The following HMGB1 variants were observed in gnomAD, a reference collection of about 807,000 sequenced individuals.
HMGB1 encodes the protein high mobility group protein B1.
For missense variants in HMGB1, 79 were observed against 253.5 expected, an observed-to-expected ratio of 0.31 and a Z score of 4.67; for synonymous variants, 81 against 84.0, an observed-to-expected ratio of 0.96 and a Z score of 0.19.
intron 1 of HMGB1, among the ~76,000 whole-genome samples, chr13:30,589,148 G>A (rs1871274195): frequency 6.6e-6 from 1 of 151,684 alleles, no homozygotes; most frequent in Non-Finnish European, 1.5e-5. Flanking sequence ...TGGGATTACA[G>A]GCATGTGCCA....
At chr13:30,546,938 A>G (rs569160252) in intron 1 of HMGB1, among the ~76,000 whole-genome samples, 1 of 152,208 alleles carries the variant, frequency 6.6e-6, no homozygotes, top group African/African-American at 2.4e-5. Context: ...TGTAGGTTTC[A>G]TGCTGTTAAT....
chr13:30,613,658 T>C (rs1386613299), intron 1 of HMGB1, among the ~76,000 whole-genome samples: 2 of 152,222 alleles, frequency 1.3e-5, no homozygotes, highest in Non-Finnish European at 2.9e-5. Flanking sequence ...TGTACATACA[T>C]GCTCTCAGGG....
chr13:30,469,129 G>T (rs562619827), upstream of HMGB1, among the ~76,000 whole-genome samples: 17 of 152,124 alleles, frequency 1.1e-4, no homozygotes, highest in African/African-American at 3.6e-4. Context: ...GACCTCAAGT[G>T]ATCTGCCCGC....
chr13:30,464,258 G>A (rs902433626), intron 1 of HMGB1: 1 of 985,578 alleles, frequency 1.0e-6, no homozygotes, highest in Non-Finnish European at 1.2e-6. Context: ...CGGTTGGGGG[G>A]TGGCGGTGCC....
intron 1 of HMGB1, among the ~76,000 whole-genome samples, chr13:30,589,593 G>A (rs1032991610): frequency 6.6e-6 from 1 of 152,208 alleles, no homozygotes; most frequent in African/African-American, 2.4e-5. Context: ...CAGAGGCTGT[G>A]CATGGTGGCT....
chr13:30,507,786 G>A (rs915566746), intron 1 of HMGB1, among the ~76,000 whole-genome samples: 4 of 152,108 alleles, frequency 2.6e-5, no homozygotes, highest in African/African-American at 9.7e-5. Context: ...TTGAGCCTAG[G>A]AGTTCATGAC....
At chr13:30,465,969 C>T, upstream of HMGB1, 1 of 985,940 alleles carries the variant, frequency 1.0e-6, no homozygotes, top group Non-Finnish European at 1.2e-6. Context: ...TATTGGCTAC[C>T]GCCAACTCAC....
At chr13:30,574,585 A>T (rs1566029488) in intron 1 of HMGB1, among the ~76,000 whole-genome samples, 1 of 152,240 alleles carries the variant, frequency 6.6e-6, no homozygotes, top group Admixed American at 6.5e-5. Context: ...GCTAGGAAAT[A>T]GGAAAATAAA....
chr13:30,481,987 G>A (rs990318375), intron 1 of HMGB1, among the ~76,000 whole-genome samples: 3 of 151,966 alleles, frequency 2.0e-5, no homozygotes, highest in African/African-American at 7.3e-5. Context: ...GTGCCACCAC[G>A]CCCAGCTAAT....
intron 1 of HMGB1, among the ~76,000 whole-genome samples, chr13:30,608,040 T>C (rs58536349): frequency 0.032 from 4,933 of 152,184 alleles, 255 homozygotes; most frequent in African/African-American, 0.11. Context: ...ACAGTGACAG[T>C]AGGTCACTTC....
intron 1 of HMGB1, among the ~76,000 whole-genome samples, chr13:30,532,620 T>C (rs557291324): frequency 6.6e-6 from 1 of 152,252 alleles, no homozygotes; most frequent in Admixed American, 6.5e-5. Context: ...GTGATTCTCC[T>C]GCCTCAACCT....
chr13:30,544,170 G>T (rs368826628), intron 1 of HMGB1, among the ~76,000 whole-genome samples: 1 of 152,234 alleles, frequency 6.6e-6, no homozygotes, highest in Non-Finnish European at 1.5e-5. Context: ...GCAAGTCAGA[G>T]GTTCTGAACC....
intron 1 of HMGB1, among the ~76,000 whole-genome samples, chr13:30,517,230 C>T (rs910177942): frequency 1.3e-5 from 2 of 152,174 alleles, no homozygotes; most frequent in African/African-American, 2.4e-5. Context: ...GGGTGAGACC[C>T]CCAAAATATG....
At chr13:30,586,470 G>GTT (rs1228323938) in intron 1 of HMGB1, among the ~76,000 whole-genome samples, 47 of 123,270 alleles carry the variant, frequency 3.8e-4, no homozygotes, top group East Asian at 1.5e-3. Context: ...GAAATCACTG[G>GTT]TTTTTTTTGT....
chr13:30,504,809 T>TGA (rs1238040982), intron 1 of HMGB1, among the ~76,000 whole-genome samples: 4 of 151,818 alleles, frequency 2.6e-5, no homozygotes, highest in Non-Finnish European at 5.9e-5. Flanking sequence ...GAGTTGGAGG[T>TGA]GAGAGAACGA....
At chr13:30,508,718 A>T (rs1887925595) in intron 1 of HMGB1, among the ~76,000 whole-genome samples, 1 of 151,804 alleles carries the variant, frequency 6.6e-6, no homozygotes, top group Non-Finnish European at 1.5e-5. Flanking sequence ...CATAACCTGA[A>T]TTTTTCTCTC....
chr13:30,486,156 A>T (rs1028112591), intron 1 of HMGB1, among the ~76,000 whole-genome samples: 5 of 152,238 alleles, frequency 3.3e-5, no homozygotes, highest in Admixed American at 2.0e-4. Flanking sequence ...TGAGGCTGAC[A>T]TGGTACAGCA....
In HMGB1 at chr13:30,514,352, C is replaced by CTT. The variant is rs60409517; in HGVS notation, c.-14-50660_-14-50659dup. On this transcript the variant is annotated intron_variant, in intron 1 of 4. Transcript: ENST00000405805. ...ATTATCCCTCAGGGTCTAGTTCAAT[C>CTT]TTTTTTTTTTTTTTTTTTAAGAGAT... Among the ~76,000 whole-genome samples the CTT allele has an allele frequency of 4.8e-3, 630 of 130,464 alleles. 3 individuals are homozygous for CTT. The highest frequency in any genetic ancestry group is 5.8e-3 in the Non-Finnish European group (355 of 60,850). 85.6% of individuals were successfully genotyped at this position (130,464 alleles called of 152,430 possible).
chr13:30,606,070 C>T lies in HMGB1; in HGVS notation c.-15+10601G>A, dbSNP rs116802525. On this transcript the variant is annotated intron_variant, in intron 1 of 4. Coordinates refer to the HMGB1 transcript ENST00000405805. ...AACCAGGATCAAGTCAAAGTCCATGCACAGCATTTGGTTGTCATGTGTCTT... is the reference window on the plus strand; with the variant it reads ...AACCAGGATCAAGTCAAAGTCCATGTACAGCATTTGGTTGTCATGTGTCTT... Among the ~76,000 whole-genome samples, 840 of 152,268 alleles carry T rather than the reference C, an allele frequency of 5.5e-3. 5 individuals carry two copies. The highest frequency in any genetic ancestry group is 0.018 in the African/African-American group (733 of 41,558).
Sources: gnomAD v4.1 joint callset for allele counts (sites outside exome capture counted in the v4.1 genomes callset) on GRCh38, gnomAD v4.1.1 for gene constraint, MANE v1.5 for transcripts, NCBI Gene and HGNC (gene_info 2026-07-23, HGNC 2026-07-21) for gene names.